TPM1: variants seen among roughly 807,000 people sequenced by gnomAD.
TPM1 encodes the protein tropomyosin alpha-1 chain.
Under a neutral mutation model 42.9 loss-of-function variants are expected in TPM1, and 24 were observed. That is an observed-to-expected ratio of 0.56 (90% CI 0.41 to 0.79). The LOEUF (loss-of-function observed/expected upper bound fraction) is 0.79. TPM1 is among the 30% of genes least tolerant of loss of function. The pLI, the probability that TPM1 is intolerant of heterozygous loss-of-function variation, is 0.00. For synonymous variants in TPM1, 136 were observed against 130.1 expected (o/e 1.05, Z -0.31); for missense variants, 158 against 351.8 (o/e 0.45, Z 4.41).
At chr15:63,050,888 C>G (rs1465149499) in intron 2 of TPM1, among the ~76,000 whole-genome samples, 1 of 152,170 alleles carries the variant, frequency 6.6e-6, no homozygotes, top group Non-Finnish European at 1.5e-5. Context: ...AAACCATGAG[C>G]CACTGCAAAA....
At position 63,057,525 on chromosome 15, in the gene TPM1, C is replaced by G. The variant is rs202160847; in HGVS notation, c.374+407C>G. On this transcript the variant is annotated intron_variant, in intron 3 of 9. Coordinates refer to ENST00000403994, the MANE Select transcript of TPM1 (RefSeq NM_001018005.2). ...GGAGGCTTAGGTGTAAATAAAGGAA[C>G]TGTGGACTATCAGTTGTCAAAATAG... is the stretch of plus-strand genomic sequence containing the variant. 3.3e-5 allele frequency among the ~76,000 whole-genome samples: 5 copies of G among 152,308 alleles called. No homozygotes were observed. In the East Asian group the frequency reaches 9.6e-4, roughly 29 times the overall value.
In TPM1 at chr15:63,042,770, C is replaced by G. The variant is rs1049484054; in HGVS notation, c.-60C>G. On this transcript the variant is annotated 5_prime_UTR_variant, in exon 1 of 10. Coordinates refer to ENST00000403994, the MANE Select transcript of TPM1 (RefSeq NM_001018005.2). ...GCGCTCGCACTCCCGCTCCTCCGCC[C>G]GACCGCGCGCTCGCCCCGCCGCTCC... 8.9e-6 allele frequency: 13 copies of G among 1,464,398 alleles called. No individual in the cohort carries two copies. Among genetic ancestry groups the G allele is most frequent in the African/African-American group, 7.0e-5 (5 of 71,830 alleles). The allele number at this position is 1,464,398 out of a possible 1,614,324, so 90.7% of individuals were successfully genotyped here. A position where few individuals can be genotyped will look rare whatever the true frequency, so the allele number is the denominator to read the frequency against.
rs58876988 is a variant in TPM1, at chr15:63,049,055, G to C, written c.240+4903G>C. ...CCGGGAGGTGCACTTTGCGCTGCTG[G>C]CTTGCTTTACTCTGAGAGTGGAGAG... is the stretch of plus-strand genomic sequence containing the variant. On this transcript the variant is annotated intron_variant, in intron 2 of 9. Transcript: ENST00000403994. 481 of 315,178 alleles carry C rather than the reference G, an allele frequency of 1.5e-3. 2 individuals carry two copies. Among genetic ancestry groups the C allele is most frequent in the African/African-American group, 1.0e-2 (434 of 43,482 alleles). 19.5% of individuals were successfully genotyped at this position (315,178 alleles called of 1,614,324 possible). A position where few individuals can be genotyped will look rare whatever the true frequency, so the allele number is the denominator to read the frequency against.
intron 9 of TPM1, 182 bp from the exon 10 acceptor site, chr15:63,065,714 T>C (rs1307916602): frequency 4.3e-6 from 4 of 938,510 alleles, no homozygotes; most frequent in Non-Finnish European, 5.1e-6. Flanking sequence ...AAAGGCGGCC[T>C]GTGACGGCCT....
At chr15:63,064,936 C>T in intron 9 of TPM1, 12 of 952,168 alleles carry the variant, frequency 1.3e-5, no homozygotes, top group Non-Finnish European at 1.4e-5. Context: ...CACCGCACTC[C>T]AGCCTGGACG....
chr15:63,065,652 T>G (rs2036196031), intron 9 of TPM1: 1 of 984,574 alleles, frequency 1.0e-6, no homozygotes, highest in Non-Finnish European at 1.2e-6. Flanking sequence ...GCTTAAAATT[T>G]TTTTTGTTTT....
downstream of TPM1, among the ~76,000 whole-genome samples, chr15:63,069,513 C>T (rs1440383634): frequency 6.6e-6 from 1 of 152,198 alleles, no homozygotes; most frequent in Non-Finnish European, 1.5e-5. Flanking sequence ...CCAGCCAGGC[C>T]TGCATTCCCA....
chr15:63,043,837 C>G lies in TPM1; in HGVS notation c.115-190C>G, dbSNP rs1463848222. 4 of 1,548,564 alleles carry G rather than the reference C, an allele frequency of 2.6e-6. No homozygotes were observed. In the South Asian group the frequency reaches 4.8e-5, roughly 18 times the overall value. The stretch of plus-strand genomic sequence containing the variant: ...CCGAAGAGGCCGCCGCCAAGGTACC[C>G]GGGGCGCGCGGCACGGCGTGGCGCA... On this transcript the variant is annotated intron_variant, in intron 1 of 9. Transcript: ENST00000403994.
chr15:63,044,011 C>G lies in TPM1; in HGVS notation c.115-16C>G, dbSNP rs786204409. The G allele has an allele frequency of 6.8e-6, 11 of 1,612,920 alleles. No individual in the cohort carries two copies. Among genetic ancestry groups the G allele is most frequent in the Admixed American group, 1.7e-5 (1 of 59,906 alleles). ...TGCACCCCCCTCCCTCCCTGTACCC[C>G]CTGGCCAACTCCCAGCTGGAAGATG... On this transcript the variant is annotated splice_polypyrimidine_tract_variant and intron_variant, in intron 1 of 9. Transcript: ENST00000403994.
At chr15:63,069,718 G>C, downstream of TPM1, 2 of 934,804 alleles carry the variant, frequency 2.1e-6, no homozygotes, top group Non-Finnish European at 3.4e-6. Flanking sequence ...CAGGACAGGT[G>C]ACTATGGGGT....
At chr15:63,061,391 A>G (rs2035601551) in intron 5 of TPM1, 3 of 960,470 alleles carry the variant, frequency 3.1e-6, no homozygotes, top group African/African-American at 1.6e-5. Flanking sequence ...TCTGCTATTT[A>G]TATCTTGCCT....
intron 2 of TPM1, chr15:63,056,627 A>G: frequency 3.1e-6 from 1 of 321,852 alleles, no homozygotes; most frequent in South Asian, 2.7e-5. Flanking sequence ...AGATCGTGCC[A>G]CTGCACCCCA....
At chr15:63,047,876 T>C (rs891353095) in intron 2 of TPM1, 1 of 227,180 alleles carries the variant, frequency 4.4e-6, no homozygotes, top group African/African-American at 2.4e-5. Flanking sequence ...AGGTAATGTG[T>C]CCGAAGTCAC....
intron 2 of TPM1, chr15:63,048,515 C>T: frequency 1.3e-6 from 2 of 1,489,124 alleles, no homozygotes; most frequent in Non-Finnish European, 1.8e-6. Flanking sequence ...GCAGCCGGGT[C>T]CGCAGGGCAG....
At chr15:63,052,471 C>T (rs1596339027) in intron 2 of TPM1, among the ~76,000 whole-genome samples, 2 of 151,988 alleles carry the variant, frequency 1.3e-5, no homozygotes, top group Admixed American at 6.6e-5. Context: ...TGCAGTGAGC[C>T]GAGGTCATGC....
At chr15:63,047,533 C>T (rs1226662086) in intron 2 of TPM1, 1 of 152,196 alleles carries the variant, frequency 6.6e-6, no homozygotes, top group Non-Finnish European at 1.5e-5. Flanking sequence ...AAAGGCATCC[C>T]AGTCCAGCCC....
chr15:63,048,362 C>G (rs1025476597), intron 2 of TPM1: 36 of 1,286,750 alleles, frequency 2.8e-5, no homozygotes, highest in Non-Finnish European at 3.4e-5. Context: ...GCGCCCCTCC[C>G]AGCCGCGCGC....
At chr15:63,061,333 A>G in intron 5 of TPM1, 1 of 1,540,090 alleles carries the variant, frequency 6.5e-7, no homozygotes, top group Non-Finnish European at 9.0e-7. Flanking sequence ...TTCAGCTTCC[A>G]ATGCCTCCTG....
intron 9 of TPM1, 30 bp downstream of exon 9, chr15:63,064,172 A>C: frequency 1.2e-6 from 2 of 1,608,244 alleles, no homozygotes; most frequent in Non-Finnish European, 1.7e-6. Flanking sequence ...GCCTGCTTAC[A>C]CCCTGCCCTC....
Sources: allele counts gnomAD v4.1 joint callset (sites outside exome capture counted in the v4.1 genomes callset), GRCh38; gene constraint gnomAD v4.1.1; transcripts MANE v1.5; gene names NCBI Gene and HGNC (gene_info 2026-07-23, HGNC 2026-07-21).